Variants in PLA2G4D observed in about 807,000 individuals in gnomAD.
PLA2G4D encodes phospholipase A2 group IVD.
A neutral mutation model predicts 94.4 loss-of-function variants in PLA2G4D; 80 were observed. The observed-to-expected ratio is 0.85, with a 90% CI of 0.71 to 1.02. PLA2G4D has a LOEUF of 1.02. Among genes scored for constraint, PLA2G4D ranks in the 50% least tolerant of loss-of-function variants. The pLI is 0.00. For synonymous variants in PLA2G4D, 438 were observed against 440.9 expected (o/e 0.99, Z 0.08); for missense variants, 1,050 against 1,034.7 (o/e 1.01, Z -0.20).
intron 14 of PLA2G4D, 42 bp downstream of exon 14, chr15:42,072,233 T>TG (rs764477044): frequency 1.3e-6 from 2 of 1,522,352 alleles, no homozygotes; most frequent in Admixed American, 1.7e-5. Context: ...GCAGAGGGTT[T>TG]GGGGGGTGGA....
In PLA2G4D at chr15:42,073,621, A is replaced by C. The variant is rs920507088; in HGVS notation, c.1318-1229T>G. Among the ~76,000 whole-genome samples the C allele has an allele frequency of 3.9e-5, 6 of 152,204 alleles. No individual in the cohort carries two copies. In the East Asian group the frequency reaches 7.7e-4, roughly 20 times the overall value. On this transcript the variant is annotated intron_variant, in intron 13 of 19. Transcript: ENST00000290472. The stretch of plus-strand genomic sequence containing the variant: ...GTTCTAGAGGCTCCCAACCTGCCGC[A>C]GCAGCCCTTATCATCAGAGTGACTC...
Position 42,084,032 on chromosome 15 carries a change from C to G in PLA2G4D, c.472-253G>C, listed in dbSNP as rs571210037. ...CCAGCTCCCCTGGCTTTGCCAAACTCCCGAAACCTCCTAGAGCGCCCAGCC... is the reference window on the plus strand; with the variant it reads ...CCAGCTCCCCTGGCTTTGCCAAACTGCCGAAACCTCCTAGAGCGCCCAGCC... On this transcript the variant is annotated intron_variant, in intron 6 of 19. Transcript: ENST00000290472. This position sits in a 1 kb window ranked among gnomAD's most constrained non-coding sequence, Gnocchi z 4.8. The G allele has an allele frequency of 5.8e-6, 3 of 518,940 alleles. No homozygotes were observed. In the South Asian group the frequency reaches 7.5e-5, roughly 13 times the overall value. 32.1% of individuals were successfully genotyped at this position (518,940 alleles called of 1,614,324 possible).
Position 42,084,727 on chromosome 15 carries a change from G to A in PLA2G4D, c.471+369C>T, listed in dbSNP as rs1167970925. Among the ~76,000 whole-genome samples, 1 of 152,160 alleles carries A rather than the reference G, an allele frequency of 6.6e-6. No homozygotes were observed. The highest frequency in any genetic ancestry group is 1.5e-5 in the Non-Finnish European group (1 of 68,036). ...CCCTCTGAGCCTCGGTGACCTCAAC[G>A]TGAACAACCGGAAGGTGGGCCTGGC... On this transcript the variant is annotated intron_variant, in intron 6 of 19. Coordinates refer to ENST00000290472, the MANE Select transcript of PLA2G4D (RefSeq NM_178034.4). The surrounding 1 kb of genome is among the most constrained non-coding windows in gnomAD (Gnocchi z 4.8).
At chr15:42,076,527 T>C (rs1229148775) in intron 13 of PLA2G4D, among the ~76,000 whole-genome samples, 1 of 151,850 alleles carries the variant, frequency 6.6e-6, no homozygotes, top group African/African-American at 2.4e-5. Flanking sequence ...TACAAAACAA[T>C]ATGAAAAAGA....
At position 42,080,990 on chromosome 15, in the gene PLA2G4D, T is replaced by G. The variant is rs761399609; in HGVS notation, c.1094+7A>C. 2.5e-6 allele frequency: 4 copies of G among 1,613,066 alleles called. No individual in the cohort carries two copies. The highest frequency in any genetic ancestry group is 3.4e-6 in the Non-Finnish European group (4 of 1,179,514). Reference sequence around the variant, plus strand: ...GTCTCTGCCACCCAGTCCCCCAGGATCCTCACCACGTAGAGCCAGAGATGC... The same window carrying G: ...GTCTCTGCCACCCAGTCCCCCAGGAGCCTCACCACGTAGAGCCAGAGATGC... On this transcript the variant is annotated splice_region_variant and intron_variant, in intron 12 of 19. Transcript: ENST00000290472.
intron 1 of PLA2G4D, among the ~76,000 whole-genome samples, chr15:42,090,687 T>G (rs1382344607): frequency 6.6e-6 from 1 of 152,088 alleles, no homozygotes; most frequent in Non-Finnish European, 1.5e-5. Flanking sequence ...TTTCCAGTTG[T>G]GGGGCAGACT....
At position 42,087,281 on chromosome 15, in the gene PLA2G4D, A is replaced by G. The variant is rs1466904229; in HGVS notation, c.255+19T>C. 1.1e-5 allele frequency: 17 copies of G among 1,613,926 alleles called. No homozygotes were observed. The highest frequency in any genetic ancestry group is 3.3e-4 in the Middle Eastern group (2 of 6,054). On this transcript the variant is annotated intron_variant, in intron 3 of 19. Transcript: ENST00000290472. ...CCAGCCCGTTCACAAGGGAGTGGCC[A>G]GGAGTCCCGGGCCTTCACCTTGACC...
rs114489018 is a variant in PLA2G4D at position 42,088,141 on chromosome 15, C to T, written c.46-441G>A. Among the ~76,000 whole-genome samples, 1,188 of 152,274 alleles carry T rather than the reference C, an allele frequency of 7.8e-3. 12 individuals are homozygous for T. The highest frequency in any genetic ancestry group is 0.027 in the African/African-American group (1,132 of 41,542). The stretch of plus-strand genomic sequence containing the variant: ...CTGCCCACCCCTCAGCCCTTCCGGA[C>T]GGGAAGCAGGCATATGACTTAAGGG... On this transcript the variant is annotated intron_variant, in intron 1 of 19. Transcript: ENST00000290472.
Position 42,086,361 on chromosome 15 carries a change from G to A in PLA2G4D, c.256-17C>T, listed in dbSNP as rs1176828344. The A allele has an allele frequency of 2.5e-6, 4 of 1,612,304 alleles. No homozygotes were observed. Among genetic ancestry groups the A allele is most frequent in the Non-Finnish European group, 3.4e-6 (4 of 1,179,804 alleles). On this transcript the variant is annotated splice_polypyrimidine_tract_variant and intron_variant, in intron 3 of 19. Transcript: ENST00000290472. Reference sequence around the variant, plus strand: ...CAGAACATTCTAGGAACCAGGAACAGCGACTTAGCATTTTACCTGCTCATA... The same window carrying A: ...CAGAACATTCTAGGAACCAGGAACAACGACTTAGCATTTTACCTGCTCATA...
At chr15:42,092,731 C>T (rs565058796) in intron 1 of PLA2G4D, among the ~76,000 whole-genome samples, 17 of 152,228 alleles carry the variant, frequency 1.1e-4, no homozygotes, top group African/African-American at 2.6e-4. Context: ...ATCCTTCTTC[C>T]GGTGGAGAGG....
intron 1 of PLA2G4D, among the ~76,000 whole-genome samples, chr15:42,093,768 C>G (rs1890287776): frequency 6.6e-6 from 1 of 152,206 alleles, no homozygotes; most frequent in Admixed American, 6.5e-5. Context: ...AGGCAAAGGA[C>G]CTCAGGACAG....
chr15:42,071,980 A>C, intron 14 of PLA2G4D, 69 bp from the exon 15 acceptor site: 1 of 1,557,658 alleles, frequency 6.4e-7, no homozygotes, highest in Non-Finnish European at 8.7e-7. Context: ...GCTCTGGCGA[A>C]AGACACTGCC....
At chr15:42,088,401 C>G (rs772345715) in intron 1 of PLA2G4D, among the ~76,000 whole-genome samples, 6 of 152,094 alleles carry the variant, frequency 3.9e-5, no homozygotes, top group Non-Finnish European at 7.4e-5. Context: ...GAAGATGAGC[C>G]GAGAGTAGGT....
intron 13 of PLA2G4D, among the ~76,000 whole-genome samples, chr15:42,075,910 AG>A (rs1393399526): frequency 1.9e-4 from 3 of 16,112 alleles, no homozygotes; most frequent in African/African-American, 7.3e-4. Flanking sequence ...AGGGAGGGAG[AG>A]GGGAGGGGAG....
chr15:42,073,724 A>G (rs1014657896), intron 13 of PLA2G4D, among the ~76,000 whole-genome samples: 2 of 152,186 alleles, frequency 1.3e-5, no homozygotes, highest in Non-Finnish European at 2.9e-5. Flanking sequence ...GTCAGAAGTC[A>G]CTTTGGAGTT....
rs993180470 is a variant in PLA2G4D at position 42,087,642 on chromosome 15, C to G, written c.104G>C (p.Arg35Pro). The change falls in exon 2 of 20, where the codon CGC (arginine) becomes CCC (proline). Residue 35 changes from arginine to proline, a missense_variant. Transcript: ENST00000290472. ...TVRVLEARNLRWADLLSEADP... is the reference protein window; with the variant it reads ...TVRVLEARNLPWADLLSEADP... The stretch of plus-strand genomic sequence containing the variant: ...CGGTTACTCACACAGGTCAGCCCAG[C>G]GCAGGTTCCGCGCCTCCAGGACCCT... 6.2e-7 allele frequency: 1 copy of G among 1,614,158 alleles called. No individual in the cohort carries two copies. The highest frequency in any genetic ancestry group is 1.7e-5 in the Admixed American group (1 of 60,024).
intron 15 of PLA2G4D, 104 bp from the exon 16 acceptor site, chr15:42,071,655 T>TGC: frequency 7.6e-6 from 9 of 1,178,954 alleles, no homozygotes; most frequent in Non-Finnish European, 1.1e-5. Flanking sequence ...CTACAATGCA[T>TGC]CCCCCCCGCC....
At chr15:42,069,034 GCCC>G (rs1889746776) in intron 19 of PLA2G4D, 93 bp from the exon 20 acceptor site, 1 of 1,134,590 alleles carries the variant, frequency 8.8e-7, no homozygotes, top group African/African-American at 1.5e-5. Flanking sequence ...CGCTGGAGGG[GCCC>G]CTGCTTTCCT....
At chr15:42,086,973 G>A (rs1390496870) in intron 3 of PLA2G4D, among the ~76,000 whole-genome samples, 1 of 152,140 alleles carries the variant, frequency 6.6e-6, no homozygotes, top group Non-Finnish European at 1.5e-5. Context: ...GGTATGTGCT[G>A]GTGATCTTTC....
Sources: gnomAD v4.1 joint callset for allele counts (sites outside exome capture counted in the v4.1 genomes callset) on GRCh38, gnomAD v4.1.1 for gene constraint, Gnocchi (gnomAD v3.1) non-coding constraint, MANE v1.5 for transcripts, NCBI Gene and HGNC (gene_info 2026-07-23, HGNC 2026-07-21) for gene names.